DMTF1: variants seen among roughly 807,000 people sequenced by gnomAD.
DMTF1 encodes the protein cyclin-D-binding Myb-like transcription factor 1.
Under a neutral mutation model 91.1 loss-of-function variants are expected in DMTF1, and 39 were observed. That is an observed-to-expected ratio of 0.43 (90% CI 0.33 to 0.56). The LOEUF is 0.56. Among genes scored for constraint, DMTF1 ranks in the 20% least tolerant of loss-of-function variants. DMTF1 has a pLI of 0.05. For missense variants in DMTF1, 750 were observed against 914.5 expected, an observed-to-expected ratio of 0.82 and a Z score of 2.32; for synonymous variants, 338 against 309.5, an observed-to-expected ratio of 1.09 and a Z score of -0.97.
chr7:87,179,180 A>G (rs994025442), intron 7 of DMTF1, among the ~76,000 whole-genome samples: 4 of 151,956 alleles, frequency 2.6e-5, no homozygotes, highest in Non-Finnish European at 4.4e-5. Context: ...GATGTTTTCA[A>G]AGAACCAATT....
At chr7:87,179,456 C>G (rs114484857) in intron 7 of DMTF1, 89 bp from the exon 8 acceptor site, 1 of 1,172,974 alleles carries the variant, frequency 8.5e-7, no homozygotes, top group African/African-American at 1.6e-5. Context: ...CGTTGATGAC[C>G]TTTAACATTA....
chr7:87,161,512 A>G (rs550496827), intron 1 of DMTF1, among the ~76,000 whole-genome samples: 7 of 152,210 alleles, frequency 4.6e-5, no homozygotes, highest in Non-Finnish European at 8.8e-5. Context: ...AAAAACCACA[A>G]AAGATGACAG....
intron 1 of DMTF1, among the ~76,000 whole-genome samples, chr7:87,156,261 T>C (rs1241556563): frequency 6.6e-6 from 1 of 152,226 alleles, no homozygotes. Flanking sequence ...TATGAAATGC[T>C]GCACCTTAAA....
At chr7:87,184,265 C>T (rs1797963073) in intron 10 of DMTF1, 132 bp from the exon 11 acceptor site, 2 of 781,328 alleles carry the variant, frequency 2.6e-6, no homozygotes, top group Non-Finnish European at 4.0e-6. Context: ...ATATGGTTTT[C>T]CACCAGAGGG....
At chr7:87,173,720 G>A in intron 6 of DMTF1, 71 bp downstream of exon 6, 1 of 887,522 alleles carries the variant, frequency 1.1e-6, no homozygotes. Context: ...TAGTCATCAG[G>A]ATTCTGAGTT....
At chr7:87,189,250 T>C (rs1799199773) in intron 13 of DMTF1, among the ~76,000 whole-genome samples, 1 of 152,188 alleles carries the variant, frequency 6.6e-6, no homozygotes, top group African/African-American at 2.4e-5. Flanking sequence ...TAACACCATA[T>C]ATCCATGTAC....
chr7:87,175,997 C>G (rs1240915572), intron 7 of DMTF1, among the ~76,000 whole-genome samples: 2 of 152,110 alleles, frequency 1.3e-5, no homozygotes, highest in Non-Finnish European at 2.9e-5. Flanking sequence ...GAGTTAGATT[C>G]AAATAGTGTT....
At chr7:87,182,708 C>T (rs181463135) in intron 10 of DMTF1, among the ~76,000 whole-genome samples, 3 of 152,332 alleles carry the variant, frequency 2.0e-5, no homozygotes, top group Admixed American at 1.3e-4. Context: ...TTAGCAACAG[C>T]TAATCAGTGA....
In DMTF1 at chr7:87,194,700, C is replaced by G. The variant is rs778010999; in HGVS notation, c.2045C>G (p.Thr682Ser). The change falls in exon 17 of 18, where the codon ACT becomes AGT. Residue 682 changes from threonine to serine, a missense_variant. Thr to Ser is a moderately conservative substitution (Grantham distance 58). Transcript: ENST00000331242. ...GTTATTTAGGGTTTAGAGTCTCCCACTATAGAAGAACAAGTTGATCAAACA... is the reference window on the plus strand; with the variant it reads ...GTTATTTAGGGTTTAGAGTCTCCCAGTATAGAAGAACAAGTTGATCAAACA... ...AYVTEGLESP[T>S]IEEQVDQTID... 6.2e-6 allele frequency: 10 copies of G among 1,607,862 alleles called. No homozygotes were observed. In the South Asian group the frequency reaches 7.7e-5, roughly 12 times the overall value.
chr7:87,169,595 T>A (rs1794634018), intron 4 of DMTF1, among the ~76,000 whole-genome samples: 1 of 152,208 alleles, frequency 6.6e-6, no homozygotes, highest in African/African-American at 2.4e-5. Flanking sequence ...CTTACTCCAG[T>A]CAAGCTTTCA....
Position 87,193,991 on chromosome 7 carries a change from T to C in DMTF1, c.1917T>C (p.Asn639=). ...DAHVSKFSDQ[N]STELMNSVMV... is the part of the protein sequence containing the mutation. Reference sequence around the variant, plus strand: ...ATGTATCCAAATTCAGTGACCAAAATAGCACAGAACTGATGAATAGTGTTA... The same window carrying C: ...ATGTATCCAAATTCAGTGACCAAAACAGCACAGAACTGATGAATAGTGTTA... Residue 639 remains asparagine, a synonymous_variant, in exon 16 of 18, where the codon AAT becomes AAC. Coordinates refer to ENST00000331242, the MANE Select transcript of DMTF1 (RefSeq NM_001142327.2). 1.9e-6 allele frequency: 3 copies of C among 1,613,308 alleles called. No homozygotes were observed. The highest frequency in any genetic ancestry group is 2.5e-6 in the Non-Finnish European group (3 of 1,179,602).
Position 87,193,857 on chromosome 7 carries a change from A to G in DMTF1, c.1783A>G (p.Ile595Val). The change falls in exon 16 of 18, where the codon ATT becomes GTT. Residue 595 changes from isoleucine to valine, a missense_variant. Transcript: ENST00000331242. ...AGCAGAACTGACAGTCGATAGTGAT[A>G]TTCAGTCATCTGATTTTCCTGAGCC... ...SQAELTVDSD[I>V]QSSDFPEPPD... 6.2e-7 allele frequency: 1 copy of G among 1,613,422 alleles called. No individual in the cohort carries two copies. The highest frequency in any genetic ancestry group is 8.5e-7 in the Non-Finnish European group (1 of 1,179,616).
intron 2 of DMTF1, chr7:87,164,214 C>A (rs1793245472): frequency 6.6e-6 from 1 of 152,108 alleles, no homozygotes; most frequent in Non-Finnish European, 1.5e-5. Context: ...AGACTTCAAC[C>A]AGGCTATTGA....
intron 1 of DMTF1, chr7:87,154,477 G>A (rs1790158996): frequency 1.3e-5 from 2 of 152,628 alleles, no homozygotes. Flanking sequence ...TTGCAGTTGA[G>A]CTAATGGTGG....
intron 1 of DMTF1, among the ~76,000 whole-genome samples, chr7:87,158,597 A>G (rs1791408589): frequency 6.6e-6 from 1 of 152,060 alleles, no homozygotes; most frequent in Non-Finnish European, 1.5e-5. Flanking sequence ...TTAGTTTTTA[A>G]TGACCAGAAA....
intron 5 of DMTF1, 98 bp from the exon 6 acceptor site, chr7:87,173,437 G>A: frequency 1.6e-6 from 1 of 627,990 alleles, no homozygotes; most frequent in Non-Finnish European, 2.7e-6. Flanking sequence ...GTTTTATAAT[G>A]CTTAGCATTA....
chr7:87,175,691 C>T (rs1424651357), intron 7 of DMTF1, among the ~76,000 whole-genome samples: 1 of 152,102 alleles, frequency 6.6e-6, no homozygotes, highest in Non-Finnish European at 1.5e-5. Flanking sequence ...AAGGATAGAA[C>T]TTGGGCTAGA....
chr7:87,162,965 G>A (rs894968017), intron 1 of DMTF1: 13 of 151,740 alleles, frequency 8.6e-5, no homozygotes, highest in Admixed American at 6.6e-4. Context: ...AATTGTTTAA[G>A]GTTTTGTTTT....
At chr7:87,173,452 G>C in intron 5 of DMTF1, 83 bp from the exon 6 acceptor site, 1 of 762,288 alleles carries the variant, frequency 1.3e-6, no homozygotes, top group Non-Finnish European at 2.1e-6. Context: ...GCATTACAAA[G>C]ATGAATCCGG....
Sources: gnomAD v4.1 joint callset for allele counts (sites outside exome capture counted in the v4.1 genomes callset) on GRCh38, gnomAD v4.1.1 for gene constraint, MANE v1.5 for transcripts, NCBI Gene and HGNC (gene_info 2026-07-23, HGNC 2026-07-21) for gene names.